RYR2: variants seen among roughly 807,000 people sequenced by gnomAD.
The protein encoded by RYR2 is ryanodine receptor 2.
RYR2 carries 227 observed loss-of-function variants against 601.1 expected under a neutral mutation model. The ratio of observed to expected loss-of-function variants is 0.38; its 90% CI spans 0.34 to 0.42. The LOEUF (loss-of-function observed/expected upper bound fraction) is 0.42, where lower values mean the gene tolerates loss of function less well. RYR2 is among the 10% of genes least tolerant of loss of function. The pLI is 1.00. For synonymous variants in RYR2, 2,223 were observed against 2,175.1 expected (o/e 1.02, Z -0.61); for missense variants, 4,646 against 6,156.5 (o/e 0.75, Z 8.21).
chr1:237,599,758 G>A (rs532590486), intron 34 of RYR2, among the ~76,000 whole-genome samples: 10 of 149,236 alleles, frequency 6.7e-5, no homozygotes, highest in Admixed American at 6.6e-4. Context: ...AGGAGGCAGA[G>A]GTTGCAGTGA....
intron 65 of RYR2, among the ~76,000 whole-genome samples, chr1:237,700,981 T>C (rs1687919765): frequency 6.6e-6 from 1 of 152,206 alleles, no homozygotes. Flanking sequence ...TAATCTTCTG[T>C]TTTGGGCTGG....
intron 1 of RYR2, among the ~76,000 whole-genome samples, chr1:237,187,417 A>G (rs546924196): frequency 7.1e-6 from 1 of 141,258 alleles, no homozygotes; most frequent in East Asian, 2.1e-4. Flanking sequence ...CTGGAATTAC[A>G]GGCGTGAGCC....
intron 51 of RYR2, among the ~76,000 whole-genome samples, chr1:237,654,013 A>G (rs1295651855): frequency 2.6e-5 from 4 of 152,050 alleles, no homozygotes; most frequent in Non-Finnish European, 5.9e-5. Flanking sequence ...TCAAATGTTA[A>G]TCTCCTTTGG....
intron 1 of RYR2, among the ~76,000 whole-genome samples, chr1:237,246,327 C>T (rs567406026): frequency 2.6e-4 from 40 of 151,966 alleles, no homozygotes; most frequent in Non-Finnish European, 4.6e-4. Flanking sequence ...AACTCCTGAC[C>T]TCAGGTGATC....
At chr1:237,602,689 G>A (rs1010937700) in intron 35 of RYR2, among the ~76,000 whole-genome samples, 7 of 152,190 alleles carry the variant, frequency 4.6e-5, no homozygotes, top group African/African-American at 1.7e-4. Flanking sequence ...ATGCCTTCCA[G>A]AATGTGGCTG....
intron 41 of RYR2, among the ~76,000 whole-genome samples, chr1:237,630,530 G>A (rs1680140141): frequency 6.6e-6 from 1 of 152,046 alleles, no homozygotes; most frequent in Non-Finnish European, 1.5e-5. Context: ...ATGACTAAAT[G>A]AATAGGTGAG....
At chr1:237,707,938 A>ATT (rs57642607) in intron 68 of RYR2, among the ~76,000 whole-genome samples, 4 of 120,158 alleles carry the variant, frequency 3.3e-5, no homozygotes, top group Admixed American at 8.7e-5. Flanking sequence ...TGCCCAGCTA[A>ATT]TTTTTTTTTT....
intron 63 of RYR2, among the ~76,000 whole-genome samples, chr1:237,695,185 T>C (rs1237911315): frequency 6.6e-6 from 1 of 152,222 alleles, no homozygotes; most frequent in Middle Eastern, 3.2e-3. Flanking sequence ...AGTTATATTA[T>C]GTAATTTGTT....
intron 1 of RYR2, among the ~76,000 whole-genome samples, chr1:237,233,103 A>T (rs1045140023): frequency 6.6e-6 from 1 of 152,226 alleles, no homozygotes; most frequent in Admixed American, 6.5e-5. Flanking sequence ...AAAACCAGGA[A>T]GCTTACAGAA....
chr1:237,544,095 CTTT>C (rs1305770604), intron 25 of RYR2, among the ~76,000 whole-genome samples: 3 of 152,128 alleles, frequency 2.0e-5, no homozygotes, highest in East Asian at 3.9e-4. Flanking sequence ...TTGTTTTATT[CTTT>C]TTTATTTTAT....
chr1:237,061,948 C>T (rs1662946922), intron 1 of RYR2, among the ~76,000 whole-genome samples: 1 of 152,184 alleles, frequency 6.6e-6, no homozygotes, highest in African/African-American at 2.4e-5. Flanking sequence ...TCAGTCCCTC[C>T]ACCTATGGAT....
intron 27 of RYR2, among the ~76,000 whole-genome samples, chr1:237,563,320 G>A (rs1318623667): frequency 2.0e-5 from 3 of 151,248 alleles, no homozygotes; most frequent in Admixed American, 6.6e-5. Context: ...CCGAGGCAGG[G>A]GAATTGCTTG....
At chr1:237,286,962 G>A (rs1691642557) in intron 2 of RYR2, among the ~76,000 whole-genome samples, 1 of 152,116 alleles carries the variant, frequency 6.6e-6, no homozygotes, top group Non-Finnish European at 1.5e-5. Context: ...TGTGTTTCCA[G>A]GATTTGTTTC....
intron 1 of RYR2, among the ~76,000 whole-genome samples, chr1:237,056,902 C>A (rs941730065): frequency 6.6e-6 from 1 of 152,194 alleles, no homozygotes; most frequent in African/African-American, 2.4e-5. Flanking sequence ...CGGAAGGAAC[C>A]AGCCCTGCTG....
At chr1:237,753,765 T>G (rs1043077998) in intron 80 of RYR2, among the ~76,000 whole-genome samples, 1 of 152,190 alleles carries the variant, frequency 6.6e-6, no homozygotes, top group African/African-American at 2.4e-5. Flanking sequence ...GAGAACTCTA[T>G]TCTTGAAAAG....
rs182055071 is a variant in RYR2, at chr1:237,699,456, C to T, written c.9128+431C>T. On this transcript the variant is annotated intron_variant, in intron 64 of 104. Coordinates refer to ENST00000366574, the MANE Select transcript of RYR2 (RefSeq NM_001035.3). ...ATTGCATACTAAGTGTGTAGGTAGA[C>T]GAATTCCCATCTGTGTGCTTTCTAC... is the stretch of plus-strand genomic sequence containing the variant. Among the ~76,000 whole-genome samples the T allele has an allele frequency of 2.3e-3, 330 of 143,118 alleles. 2 individuals carry two copies. The highest frequency in any genetic ancestry group is 7.7e-3 in the African/African-American group (313 of 40,790). The allele number at this position is 143,118 out of a possible 152,430, so 93.9% of individuals were successfully genotyped here.
intron 100 of RYR2, among the ~76,000 whole-genome samples, chr1:237,815,764 A>G (rs1169850219): frequency 6.6e-6 from 1 of 152,164 alleles, no homozygotes; most frequent in Non-Finnish European, 1.5e-5. Flanking sequence ...AGAAACTACA[A>G]GTGAATCATT....
intron 1 of RYR2, among the ~76,000 whole-genome samples, chr1:237,195,988 G>T (rs897143624): frequency 6.6e-6 from 1 of 152,144 alleles, no homozygotes; most frequent in Admixed American, 6.5e-5. Context: ...TGTCTTGTCC[G>T]GCATGTTGTA....
chr1:237,101,299 T>TAA lies in RYR2; in HGVS notation c.48+58754_48+58755dup, dbSNP rs374151748. Among the ~76,000 whole-genome samples, 750 of 93,956 alleles carry TAA rather than the reference T, an allele frequency of 8.0e-3. 4 individuals carry two copies. Among genetic ancestry groups the TAA allele is most frequent in the Middle Eastern group, 0.029 (4 of 140 alleles). 61.6% of individuals were successfully genotyped at this position (93,956 alleles called of 152,430 possible). A position where few individuals can be genotyped will look rare whatever the true frequency, so the allele number is the denominator to read the frequency against. ...ATTTCAGTCACTACTTTTTAGAAGT[T>TAA]AAAAAAAAAAAAAAAAAAAAAAAAA... On this transcript the variant is annotated intron_variant, in intron 1 of 104. Transcript: ENST00000366574.
Sources: allele counts gnomAD v4.1 joint callset (sites outside exome capture counted in the v4.1 genomes callset), GRCh38; gene constraint gnomAD v4.1.1; transcripts MANE v1.5; gene names NCBI Gene and HGNC (gene_info 2026-07-23, HGNC 2026-07-21).